The following MMP26 variants were observed in gnomAD, a reference collection of about 807,000 sequenced individuals.
MMP26 encodes the protein matrix metalloproteinase-26.
A neutral mutation model predicts 31.0 loss-of-function variants in MMP26; 33 were observed. The observed-to-expected ratio is 1.06, with a 90% CI of 0.81 to 1.42. MMP26 has a LOEUF of 1.42. Among genes scored for constraint, MMP26 ranks in the 40% most tolerant of loss-of-function variants. The pLI is 0.00. For synonymous variants in MMP26, 122 were observed against 114.9 expected (o/e 1.06, Z -0.40); for missense variants, 347 against 316.1 (o/e 1.10, Z -0.74).
intron 2 of MMP26, among the ~76,000 whole-genome samples, chr11:4,909,866 A>G (rs1180041243): frequency 6.6e-6 from 1 of 152,104 alleles, no homozygotes; most frequent in Non-Finnish European, 1.5e-5. Context: ...GCTTTTCTCT[A>G]CTGCATTCTT....
intron 1 of MMP26, among the ~76,000 whole-genome samples, chr11:4,746,831 T>TCACACACACACACACA (rs3223670): frequency 1.5e-5 from 2 of 137,116 alleles, no homozygotes; most frequent in African/African-American, 2.8e-5. Flanking sequence ...TAAGTCTCTG[T>TCACACACACACACACA]CACACACACA....
chr11:4,862,874 G>GGTCAGATCTAA (rs1381414096), intron 2 of MMP26, among the ~76,000 whole-genome samples: 2 of 152,142 alleles, frequency 1.3e-5, no homozygotes, highest in East Asian at 3.9e-4. Flanking sequence ...TCCCAGAAAT[G>GGTCAGATCTAA]ACAATGGTCA....
At chr11:4,980,111 A>G (rs1846791839) in intron 2 of MMP26, among the ~76,000 whole-genome samples, 1 of 152,082 alleles carries the variant, frequency 6.6e-6, no homozygotes, top group Non-Finnish European at 1.5e-5. Context: ...ATTGCCCAGT[A>G]GAATAATCCC....
chr11:4,808,965 T>C (rs1345141178), intron 2 of MMP26, among the ~76,000 whole-genome samples: 1 of 151,544 alleles, frequency 6.6e-6, no homozygotes, highest in East Asian at 1.9e-4. Context: ...GCAGACTTAA[T>C]GCTTCAAGGC....
chr11:4,991,898 T>C (rs1847009475), intron 6 of MMP26, 66 bp from the exon 7 acceptor site: 1 of 1,381,298 alleles, frequency 7.2e-7, no homozygotes, highest in African/African-American at 1.5e-5. Context: ...TTTGTCCTAT[T>C]TCACACACTT....
intron 2 of MMP26, among the ~76,000 whole-genome samples, chr11:4,892,467 A>G (rs1027440876): frequency 6.6e-6 from 1 of 152,116 alleles, no homozygotes; most frequent in Non-Finnish European, 1.5e-5. Context: ...GTGATTTGCT[A>G]TTTATGTGTC....
chr11:4,921,764 C>T (rs1851187873), intron 2 of MMP26, among the ~76,000 whole-genome samples: 1 of 152,130 alleles, frequency 6.6e-6, no homozygotes, highest in Non-Finnish European at 1.5e-5. Context: ...CAGTTGTTTT[C>T]TTTGGTGTCT....
intron 2 of MMP26, among the ~76,000 whole-genome samples, chr11:4,773,263 G>A (rs543932722): frequency 1.3e-5 from 2 of 152,278 alleles, no homozygotes; most frequent in East Asian, 3.9e-4. Flanking sequence ...AAAGTTGACA[G>A]GATATCATCA....
chr11:4,714,681 C>T (rs777262706), intron 1 of MMP26, among the ~76,000 whole-genome samples: 1 of 151,994 alleles, frequency 6.6e-6, no homozygotes, highest in Non-Finnish European at 1.5e-5. Context: ...AAATTTGAAC[C>T]TAGGTTTGTA....
intron 2 of MMP26, among the ~76,000 whole-genome samples, chr11:4,829,141 A>C (rs939495603): frequency 6.6e-6 from 1 of 152,172 alleles, no homozygotes; most frequent in Non-Finnish European, 1.5e-5. Context: ...CTTGCAGTAA[A>C]AGGCTACTAA....
At chr11:4,840,405 A>G (rs899500282) in intron 2 of MMP26, among the ~76,000 whole-genome samples, 1 of 152,184 alleles carries the variant, frequency 6.6e-6, no homozygotes, top group African/African-American at 2.4e-5. Flanking sequence ...GGTCTGACCC[A>G]GCACAGACAT....
intron 2 of MMP26, among the ~76,000 whole-genome samples, chr11:4,867,717 G>T (rs924034266): frequency 2.6e-5 from 4 of 151,952 alleles, no homozygotes; most frequent in Admixed American, 6.6e-5. Flanking sequence ...AGTCAGAATG[G>T]CTATTACTAA....
At chr11:4,759,135 A>AAAAAAAAAG (rs1262302875) in intron 1 of MMP26, among the ~76,000 whole-genome samples, 1 of 143,702 alleles carries the variant, frequency 7.0e-6, no homozygotes, top group African/African-American at 2.7e-5. Flanking sequence ...AAAAAAAAAA[A>AAAAAAAAAG]GACAAAAAAT....
At chr11:4,898,829 CTCTGTGTGTGTGTGTGTGTG>C (rs1850752769) in intron 2 of MMP26, among the ~76,000 whole-genome samples, 3 of 125,524 alleles carry the variant, frequency 2.4e-5, no homozygotes, top group South Asian at 2.7e-4. Context: ...CTCTCTCTCT[CTCTGTGTGTGTGTGTGTGTG>C]TGTGTGTGTG....
At chr11:4,789,143 T>G (rs1436630432) in intron 2 of MMP26, among the ~76,000 whole-genome samples, 2 of 152,198 alleles carry the variant, frequency 1.3e-5, no homozygotes, top group Non-Finnish European at 2.9e-5. Context: ...GTTTCTAATT[T>G]GAATGAGTGA....
chr11:4,792,299 T>C (rs918509556), intron 2 of MMP26, among the ~76,000 whole-genome samples: 2 of 152,170 alleles, frequency 1.3e-5, no homozygotes, highest in Non-Finnish European at 2.9e-5. Context: ...ATGGAATTAT[T>C]TCCTTCGGAG....
intron 2 of MMP26, among the ~76,000 whole-genome samples, chr11:4,902,563 C>A (rs527891884): frequency 7.2e-5 from 11 of 152,118 alleles, no homozygotes; most frequent in Non-Finnish European, 1.2e-4. Flanking sequence ...TTGTTTGACA[C>A]ACTTTTTAGT....
chr11:4,754,096 ATTT>A (rs371054284), intron 1 of MMP26, among the ~76,000 whole-genome samples: 2 of 141,766 alleles, frequency 1.4e-5, no homozygotes, highest in Admixed American at 7.1e-5. Flanking sequence ...TAAAAGAGAG[ATTT>A]TTTTTTTTTT....
chr11:4,801,998 A>T (rs1849190315), intron 2 of MMP26, among the ~76,000 whole-genome samples: 1 of 152,170 alleles, frequency 6.6e-6, no homozygotes, highest in Non-Finnish European at 1.5e-5. Context: ...ATTTCAACAG[A>T]TTTGGAGGGG....
Sources: allele counts gnomAD v4.1 joint callset (sites outside exome capture counted in the v4.1 genomes callset), GRCh38; gene constraint gnomAD v4.1.1; transcripts MANE v1.5; gene names NCBI Gene and HGNC (gene_info 2026-07-23, HGNC 2026-07-21).